Variants in ZNF26 observed in about 807,000 individuals in gnomAD.
ZNF26 encodes the protein epididymis luminal protein 179.
ZNF26 carries 32 observed loss-of-function variants against 54.9 expected under a neutral mutation model. The ratio of observed to expected loss-of-function variants is 0.58; its 90% confidence interval spans 0.44 to 0.78. ZNF26 has a LOEUF of 0.78. Among genes scored for constraint, ZNF26 ranks in the 30% least tolerant of loss-of-function variants. The pLI is 0.00. For missense variants in ZNF26, 524 were observed against 634.0 expected (o/e 0.83, Z 1.86); for synonymous variants, 221 against 209.2 (o/e 1.06, Z -0.49).
At chr12:132,992,021 G>A (rs1289742917) in intron 1 of ZNF26, among the ~76,000 whole-genome samples, 4 of 151,884 alleles carry the variant, frequency 2.6e-5, no homozygotes, top group African/African-American at 9.7e-5. Context: ...GGTGGTGCGT[G>A]CCTGTAGGCC....
intron 1 of ZNF26, among the ~76,000 whole-genome samples, chr12:132,989,460 T>A (rs1422910458): frequency 6.6e-6 from 1 of 152,212 alleles, no homozygotes; most frequent in East Asian, 1.9e-4. Context: ...AGACCAGAAT[T>A]GTTTTGGATT....
In ZNF26 at chr12:133,001,746, G is replaced by A; in HGVS notation, c.34-5296G>A. The stretch of plus-strand genomic sequence containing the variant: ...CCCTGCCTGAGGTGAGCCGCAGGGA[G>A]GCGGGGCCCTGTTTGAGGTGAGCTG... On this transcript the variant is annotated intron_variant, in intron 1 of 3. Coordinates refer to ENST00000328654, the MANE Select transcript of ZNF26 (RefSeq NM_019591.4). The surrounding 1 kb of genome is among the most constrained non-coding windows in gnomAD (Gnocchi z 4.7). 1 of 1,284,354 alleles carries A rather than the reference G, an allele frequency of 7.8e-7. No homozygotes were observed. Among genetic ancestry groups the A allele is most frequent in the Non-Finnish European group, 1.0e-6 (1 of 984,536 alleles). The allele number at this position is 1,284,354 out of a possible 1,614,324, so 79.6% of individuals were successfully genotyped here. A position where few individuals can be genotyped will look rare whatever the true frequency, so the allele number is the denominator to read the frequency against.
chr12:133,010,480 C>A lies in ZNF26; in HGVS notation c.601C>A (p.Pro201Thr), dbSNP rs1953446146. Residue 201 changes from proline (P) to threonine (T), a missense_variant, in exon 4 of 4, where the codon CCT becomes ACT. Pro to Thr is a conservative substitution (Grantham distance 38, BLOSUM62 -1). Transcript: ENST00000328654. ...TCTCAGAATTCATACAGGAGAGAGACCTTATGAATGCAGTAAATGTGAAAG... is the reference window on the plus strand; with the variant it reads ...TCTCAGAATTCATACAGGAGAGAGAACTTATGAATGCAGTAAATGTGAAAG... ...VHLRIHTGER[P>T]YECSKCERAF... The A allele has an allele frequency of 6.2e-7, 1 of 1,614,016 alleles. No individual in the cohort carries two copies. The highest frequency in any genetic ancestry group is 1.3e-5 in the African/African-American group (1 of 74,988).
rs1953528535 is a variant in ZNF26 at position 133,013,989 on chromosome 12, C to T, written c.*2508C>T. 1 of 152,220 alleles carries T rather than the reference C, an allele frequency of 6.6e-6. No homozygotes were observed. The highest frequency in any genetic ancestry group is 1.5e-5 in the Non-Finnish European group (1 of 68,052). 9.4% of individuals were successfully genotyped at this position (152,220 alleles called of 1,614,324 possible). On this transcript the variant is annotated 3_prime_UTR_variant, in exon 4 of 4. Transcript: ENST00000328654. ...GTTGAGTAGTTGAGGTATAAAAAAC[C>T]TGCCACCTCCTGATACAGATAGAAC... is the stretch of plus-strand genomic sequence containing the variant.
At chr12:132,991,591 C>T (rs1233959289) in intron 1 of ZNF26, among the ~76,000 whole-genome samples, 6 of 150,732 alleles carry the variant, frequency 4.0e-5, no homozygotes, top group African/African-American at 1.5e-4. Context: ...CCAGCCTGGG[C>T]AACGCAGAGA....
rs908362458 is a variant in ZNF26, at chr12:133,018,852, C to T, written c.*7371C>T. 200 of 151,948 alleles carry T rather than the reference C, an allele frequency of 1.3e-3. 1 individual carries two copies. The highest frequency in any genetic ancestry group is 4.8e-3 in the African/African-American group (197 of 41,450). 9.4% of individuals were successfully genotyped at this position (151,948 alleles called of 1,614,324 possible). ...AAGCAATCCTCCCATTCTGGTCTCT[C>T]GAAGCATCAAGATTATAGGCATGAG... On this transcript the variant is annotated 3_prime_UTR_variant, in exon 4 of 4. Coordinates refer to ENST00000328654, the MANE Select transcript of ZNF26 (RefSeq NM_019591.4).
chr12:133,023,058 C>A lies in ZNF26; in HGVS notation c.*11577C>A, dbSNP rs1411413428. 1 of 152,140 alleles carries A rather than the reference C, an allele frequency of 6.6e-6. No individual in the cohort carries two copies. The highest frequency in any genetic ancestry group is 6.5e-5 in the Admixed American group (1 of 15,272). The allele number at this position is 152,140 out of a possible 1,614,324, so 9.4% of individuals were successfully genotyped here. ...TAATTTTCTGTTTGGGTGAAAGATTCAAGAGCATTCGTGAGAATGTACTTG... is the reference window on the plus strand; with the variant it reads ...TAATTTTCTGTTTGGGTGAAAGATTAAAGAGCATTCGTGAGAATGTACTTG... On this transcript the variant is annotated 3_prime_UTR_variant, in exon 4 of 4. Transcript: ENST00000328654.
At chr12:133,008,179 G>A (rs1953376066) in intron 3 of ZNF26, among the ~76,000 whole-genome samples, 2 of 152,098 alleles carry the variant, frequency 1.3e-5, no homozygotes, top group Admixed American at 6.6e-5. Flanking sequence ...ACCTGCCTGT[G>A]GGAGCGCTAC....
chr12:132,993,290 G>T (rs1182656829), intron 1 of ZNF26, among the ~76,000 whole-genome samples: 1 of 151,986 alleles, frequency 6.6e-6, no homozygotes, highest in Non-Finnish European at 1.5e-5. Context: ...CTCTCAAAGT[G>T]CTGGGATTAC....
intron 1 of ZNF26, among the ~76,000 whole-genome samples, chr12:132,989,028 A>ATT (rs150395603): frequency 0.21 from 16,756 of 78,796 alleles, 5,632 homozygotes; most frequent in Non-Finnish European, 0.26. Flanking sequence ...CTTTCGGTGA[A>ATT]TTTTTTTTTT....
chr12:133,000,935 C>T (rs1165594920), intron 1 of ZNF26, among the ~76,000 whole-genome samples: 4 of 152,050 alleles, frequency 2.6e-5, no homozygotes, highest in East Asian at 1.9e-4. Flanking sequence ...CTGGTCTACC[C>T]GCTGCTCCTG....
In ZNF26 at chr12:133,004,996, C is replaced by T. The variant is rs963825087; in HGVS notation, c.34-2046C>T. On this transcript the variant is annotated intron_variant, in intron 1 of 3. Transcript: ENST00000328654. ...TTATTTTCAGACATTTCATTACCAT[C>T]TGCTTAAATTTGGACCTTTTTTTTG... 4 of 152,060 alleles carry T rather than the reference C, an allele frequency of 2.6e-5. No individual in the cohort carries two copies. In the South Asian group the frequency reaches 6.2e-4, roughly 24 times the overall value. 9.4% of individuals were successfully genotyped at this position (152,060 alleles called of 1,614,324 possible).
chr12:133,010,674 AG>A lies in ZNF26; in HGVS notation c.796del (p.Ala266ProfsTer18). Reference protein sequence around the residue: ...KPYGCSECGKAYSWKSQLLLH... With the variant: ...KPYGCSECGKXYSWKSQLLLH... ...CCTATGGCTGCAGTGAATGTGGGAA[AG>A]CCTACAGTTGGAAATCACAGCTTCT... On this transcript the variant is annotated frameshift_variant, in exon 4 of 4. Coordinates refer to ENST00000328654, the MANE Select transcript of ZNF26 (RefSeq NM_019591.4). LOFTEE classifies it high-confidence loss of function. 6.2e-7 allele frequency: 1 copy of A among 1,614,088 alleles called. No individual in the cohort carries two copies. The highest frequency in any genetic ancestry group is 8.5e-7 in the Non-Finnish European group (1 of 1,180,024).
Position 133,016,241 on chromosome 12 carries a change from T to A in ZNF26, c.*4760T>A, listed in dbSNP as rs889996919. ...GCACCTGCCACCACACCTGGCTAAT[T>A]TTTGTATTTTTAGTAGAGATGGGGT... On this transcript the variant is annotated 3_prime_UTR_variant, in exon 4 of 4. Transcript: ENST00000328654. 6.6e-6 allele frequency: 1 copy of A among 151,600 alleles called. No homozygotes were observed. The highest frequency in any genetic ancestry group is 2.4e-5 in the African/African-American group (1 of 41,250). The allele number at this position is 151,600 out of a possible 1,614,324, so 9.4% of individuals were successfully genotyped here.
In ZNF26 at chr12:133,017,910, G is replaced by A. The variant is rs1953588054; in HGVS notation, c.*6429G>A. ...TGTAGTCCCAGCTACTCGGGAGGCT[G>A]AGGCAGGAGAATGGCTTGAACCCAG... On this transcript the variant is annotated 3_prime_UTR_variant, in exon 4 of 4. Transcript: ENST00000328654. The A allele has an allele frequency of 6.6e-6, 1 of 152,232 alleles. No homozygotes were observed. Among genetic ancestry groups the A allele is most frequent in the Non-Finnish European group, 1.5e-5 (1 of 68,066 alleles). The allele number at this position is 152,232 out of a possible 1,614,324, so 9.4% of individuals were successfully genotyped here. A position where few individuals can be genotyped will look rare whatever the true frequency, so the allele number is the denominator to read the frequency against.
chr12:133,023,973 G>T lies in ZNF26; in HGVS notation c.*12492G>T, dbSNP rs1953673155. ...TCAGCCCCATATGCTCCCGTTCCAT[G>T]CCTTTCTGGCTCCATGAGAAATTCT... On this transcript the variant is annotated 3_prime_UTR_variant, in exon 4 of 4. Coordinates refer to ENST00000328654, the MANE Select transcript of ZNF26 (RefSeq NM_019591.4). 6.6e-6 allele frequency: 1 copy of T among 152,204 alleles called. No homozygotes were observed. Among genetic ancestry groups the T allele is most frequent in the Non-Finnish European group, 1.5e-5 (1 of 68,046 alleles). 9.4% of individuals were successfully genotyped at this position (152,204 alleles called of 1,614,324 possible).
At position 133,012,604 on chromosome 12, in the gene ZNF26, T is replaced by TTTC. The variant is rs1282239900; in HGVS notation, c.*1125_*1126insCTT. On this transcript the variant is annotated 3_prime_UTR_variant, in exon 4 of 4. Transcript: ENST00000328654. Reference sequence around the variant, plus strand: ...TTTTTTTTTTTTTTTTTTTTTTTTTTTTTTTGAGACTAAGTTTCACTCTTG... The same window carrying TTTC: ...TTTTTTTTTTTTTTTTTTTTTTTTTTTTCTTTTTGAGACTAAGTTTCACTCTTG... The TTTC allele has an allele frequency of 7.2e-5, 10 of 137,938 alleles. No homozygotes were observed. The highest frequency in any genetic ancestry group is 2.8e-4 in the African/African-American group (10 of 35,686). The allele number at this position is 137,938 out of a possible 1,614,324, so 8.5% of individuals were successfully genotyped here.
In ZNF26 at chr12:132,986,576, C is replaced by T. The variant is rs1228951258; in HGVS notation, c.-265C>T. ...GCGTGGACGGGGCCAGATCAGCCTC[C>T]TGCTCTCCCGAGTCAGGGCCACGGA... On this transcript the variant is annotated 5_prime_UTR_variant, in exon 1 of 4. Coordinates refer to ENST00000328654, the MANE Select transcript of ZNF26 (RefSeq NM_019591.4). 4 of 570,704 alleles carry T rather than the reference C, an allele frequency of 7.0e-6. No individual in the cohort carries two copies. The highest frequency in any genetic ancestry group is 4.2e-5 in the South Asian group (2 of 47,384). The allele number at this position is 570,704 out of a possible 1,614,324, so 35.4% of individuals were successfully genotyped here.
chr12:133,007,051 T>A lies in ZNF26; in HGVS notation c.43T>A (p.Ser15Thr). 6.2e-7 allele frequency: 1 copy of A among 1,614,176 alleles called. No individual in the cohort carries two copies. ...GTGTGTGTTATTTCAGGGATTATTG[T>A]CATTCAAGGATATATCTATGGAGTT... Reference protein sequence around the residue: ...FRTASCWGLLSFKDISMEFTW... With the variant: ...FRTASCWGLLTFKDISMEFTW... The change falls in exon 2 of 4, where the codon TCA becomes ACA. Residue 15 changes from serine (S) to threonine (T), a missense_variant. Transcript: ENST00000328654.
Sources: gnomAD v4.1 joint callset for allele counts (sites outside exome capture counted in the v4.1 genomes callset) on GRCh38, gnomAD v4.1.1 for gene constraint, Gnocchi (gnomAD v3.1) non-coding constraint, MANE v1.5 for transcripts, NCBI Gene and HGNC (gene_info 2026-07-23, HGNC 2026-07-21) for gene names.